Variants in CDH4 observed in about 807,000 individuals in gnomAD.
CDH4 encodes the protein cadherin 4.
A neutral mutation model predicts 86.0 loss-of-function variants in CDH4; 33 were observed. The observed-to-expected ratio is 0.38, with a 90% CI of 0.29 to 0.51. The LOEUF (loss-of-function observed/expected upper bound fraction) is 0.51, where lower values mean the gene tolerates loss of function less well. Ranked by LOEUF, CDH4 falls within the 20% of genes least tolerant of loss-of-function variation. CDH4 has a pLI of 0.86. For missense variants in CDH4, 1,114 were observed against 1,307.4 expected (o/e 0.85, Z 2.28); for synonymous variants, 555 against 549.4 (o/e 1.01, Z -0.14).
At chr20:61,483,932 C>T (rs1223305430) in intron 2 of CDH4, among the ~76,000 whole-genome samples, 1 of 152,168 alleles carries the variant, frequency 6.6e-6, no homozygotes, top group Non-Finnish European at 1.5e-5. Context: ...TTCCCTTTCG[C>T]TCCTGTCCCA....
At chr20:61,332,697 G>C (rs1318067805) in intron 2 of CDH4, among the ~76,000 whole-genome samples, 1 of 152,232 alleles carries the variant, frequency 6.6e-6, no homozygotes, top group African/African-American at 2.4e-5. Flanking sequence ...CCTCCTCCCT[G>C]GGGGTGTGAG....
intron 2 of CDH4, among the ~76,000 whole-genome samples, chr20:61,482,880 G>A (rs2085575798): frequency 6.6e-6 from 1 of 152,206 alleles, no homozygotes; most frequent in South Asian, 2.1e-4. Flanking sequence ...CGTCCGCCCT[G>A]TGTGGTACCT....
At chr20:61,757,163 T>A (rs545956385) in intron 3 of CDH4, among the ~76,000 whole-genome samples, 49 of 152,256 alleles carry the variant, frequency 3.2e-4, no homozygotes, top group African/African-American at 1.2e-3. Context: ...AGGTGCAGAT[T>A]CCATGGCCCC....
chr20:61,413,320 TG>T (rs987947559), intron 2 of CDH4, among the ~76,000 whole-genome samples: 3 of 152,114 alleles, frequency 2.0e-5, no homozygotes, highest in Non-Finnish European at 4.4e-5. Flanking sequence ...GCATGGCTTT[TG>T]GCTTTTGTCC....
chr20:61,602,656 C>A (rs1051036524), intron 2 of CDH4, among the ~76,000 whole-genome samples: 1 of 137,168 alleles, frequency 7.3e-6, no homozygotes, highest in African/African-American at 2.7e-5. Flanking sequence ...CCGTTCTCTG[C>A]GTCGCTTTCT....
chr20:61,503,728 TTAAC>T (rs1343796728), intron 2 of CDH4, among the ~76,000 whole-genome samples: 7 of 152,386 alleles, frequency 4.6e-5, no homozygotes, highest in Middle Eastern at 3.4e-3. Context: ...TTATTTATCA[TTAAC>T]TAAATTATTA....
intron 6 of CDH4, among the ~76,000 whole-genome samples, chr20:61,869,813 T>G (rs1205881662): frequency 1.3e-5 from 2 of 152,216 alleles, no homozygotes; most frequent in African/African-American, 4.8e-5. Flanking sequence ...GAGGACCTCC[T>G]GCCTGGCCTT....
At chr20:61,290,797 G>A (rs73314971) in intron 2 of CDH4, among the ~76,000 whole-genome samples, 17,356 of 152,212 alleles carry the variant, frequency 0.11, 1,056 homozygotes, top group South Asian at 0.13. Context: ...CTGAGGTTTA[G>A]GAATGGAACT....
At chr20:61,897,185 C>T (rs998063877) in intron 8 of CDH4, among the ~76,000 whole-genome samples, 7 of 152,130 alleles carry the variant, frequency 4.6e-5, no homozygotes, top group South Asian at 2.1e-4. Context: ...TTCTCTGAGA[C>T]GTTGGGGGGC....
intron 2 of CDH4, among the ~76,000 whole-genome samples, chr20:61,638,191 T>G (rs1353796268): frequency 6.6e-6 from 1 of 152,120 alleles, no homozygotes; most frequent in East Asian, 1.9e-4. Context: ...GCCCCACATA[T>G]AAGGTGCTGA....
intron 2 of CDH4, among the ~76,000 whole-genome samples, chr20:61,519,840 A>G (rs2085855789): frequency 1.3e-5 from 2 of 152,144 alleles, no homozygotes; most frequent in South Asian, 2.1e-4. Flanking sequence ...CTTAACCTCC[A>G]CTTCCTCAGG....
intron 2 of CDH4, among the ~76,000 whole-genome samples, chr20:61,289,641 C>T (rs1010989956): frequency 1.4e-4 from 22 of 152,344 alleles, no homozygotes; most frequent in African/African-American, 5.1e-4. Flanking sequence ...TGGAAAACAG[C>T]ATATGACACC....
In CDH4 at chr20:61,623,724, C is replaced by T. The variant is rs2086800473; in HGVS notation, c.170-119839C>T. ...AGGCTGGTTTTAGTGCATCACTGAG[C>T]GCAAAGTATTTTTGCAATCAGAAAA... On this transcript the variant is annotated intron_variant, in intron 2 of 15. Coordinates refer to ENST00000614565, the MANE Select transcript of CDH4 (RefSeq NM_001794.5). This position sits in a 1 kb window ranked among gnomAD's most constrained non-coding sequence, Gnocchi z 4.4. Among the ~76,000 whole-genome samples, 1 of 151,958 alleles carries T rather than the reference C, an allele frequency of 6.6e-6. No individual in the cohort carries two copies. The highest frequency in any genetic ancestry group is 6.6e-5 in the Admixed American group (1 of 15,252).
At chr20:61,745,259 A>G (rs2088399928) in intron 3 of CDH4, among the ~76,000 whole-genome samples, 1 of 152,054 alleles carries the variant, frequency 6.6e-6, no homozygotes, top group African/African-American at 2.4e-5. Flanking sequence ...TCTGAGTGAG[A>G]CCAGTCTGCA....
At chr20:61,298,713 A>AG (rs1220000866) in intron 2 of CDH4, among the ~76,000 whole-genome samples, 3 of 151,658 alleles carry the variant, frequency 2.0e-5, no homozygotes, top group African/African-American at 7.2e-5. Flanking sequence ...TGCCAAAAAA[A>AG]AAAAAGAAAA....
rs1460065645 is a variant in CDH4, at chr20:61,252,609, C to T, written c.57+39C>T. ...TCCCGCCCCCGCCGTTCGGAAGCCC[C>T]GGGCAGCGGGAGGTCGTCCCCGGAT... On this transcript the variant is annotated intron_variant, in intron 1 of 15. Coordinates refer to ENST00000614565, the MANE Select transcript of CDH4 (RefSeq NM_001794.5). This position sits in a 1 kb window ranked among gnomAD's most constrained non-coding sequence, Gnocchi z 4.4. 3 of 1,176,676 alleles carry T rather than the reference C, an allele frequency of 2.5e-6. No homozygotes were observed. The South Asian group carries it at 1.3e-4, about 50-fold the overall frequency. 72.9% of individuals were successfully genotyped at this position (1,176,676 alleles called of 1,614,324 possible). A position where few individuals can be genotyped will look rare whatever the true frequency, so the allele number is the denominator to read the frequency against.
At chr20:61,455,092 T>C (rs1035613958) in intron 2 of CDH4, among the ~76,000 whole-genome samples, 1 of 152,214 alleles carries the variant, frequency 6.6e-6, no homozygotes, top group Non-Finnish European at 1.5e-5. Flanking sequence ...AAAAGTTCTA[T>C]GTAATTTTTC....
intron 2 of CDH4, among the ~76,000 whole-genome samples, chr20:61,553,715 T>C (rs2086152825): frequency 6.6e-6 from 1 of 152,240 alleles, no homozygotes; most frequent in Non-Finnish European, 1.5e-5. Flanking sequence ...TGAGAGTATC[T>C]ATCTTTTCCA....
intron 4 of CDH4, among the ~76,000 whole-genome samples, chr20:61,819,370 C>T (rs997378637): frequency 2.6e-5 from 4 of 152,186 alleles, no homozygotes; most frequent in Non-Finnish European, 4.4e-5. Context: ...CATGAGCACG[C>T]GTCGCTCGCT....
Sources: gnomAD v4.1 joint callset for allele counts (sites outside exome capture counted in the v4.1 genomes callset) on GRCh38, gnomAD v4.1.1 for gene constraint, Gnocchi (gnomAD v3.1) non-coding constraint, MANE v1.5 for transcripts, NCBI Gene and HGNC (gene_info 2026-07-23, HGNC 2026-07-21) for gene names.